PLEKHA6: variants seen among roughly 807,000 people sequenced by gnomAD.
PLEKHA6 encodes the protein pleckstrin homology domain containing A6.
A neutral mutation model predicts 116.7 loss-of-function variants in PLEKHA6; 60 were observed. The observed-to-expected ratio is 0.51, with a 90% CI of 0.42 to 0.64. The LOEUF (loss-of-function observed/expected upper bound fraction) is 0.64. PLEKHA6 is among the 30% of genes least tolerant of loss of function. PLEKHA6 has a pLI of 0.00. For synonymous variants in PLEKHA6, 489 were observed against 556.1 expected (o/e 0.88, Z 1.70); for missense variants, 1,338 against 1,422.7 (o/e 0.94, Z 0.96).
chr1:204,323,925 G>A (rs1210492374), intron 1 of PLEKHA6, among the ~76,000 whole-genome samples: 1 of 152,170 alleles, frequency 6.6e-6, no homozygotes, highest in Non-Finnish European at 1.5e-5. Context: ...AAGGACCTGG[G>A]CAGACTGACT....
intron 16 of PLEKHA6, 45 bp downstream of exon 16, chr1:204,241,640 G>A (rs1662833969): frequency 2.0e-6 from 3 of 1,534,216 alleles, no homozygotes; most frequent in Non-Finnish European, 1.8e-6. Flanking sequence ...GCTCCTCCCT[G>A]AGCATCCTTG....
In PLEKHA6 at chr1:204,330,750, G is replaced by A. The variant is rs1419070913; in HGVS notation, c.-95+28944C>T. Among the ~76,000 whole-genome samples the A allele has an allele frequency of 5.3e-5, 4 of 75,004 alleles. No homozygotes were observed. In the East Asian group the frequency reaches 1.0e-3, roughly 19 times the overall value. 49.2% of individuals were successfully genotyped at this position (75,004 alleles called of 152,430 possible). On this transcript the variant is annotated intron_variant, in intron 1 of 22. Coordinates refer to ENST00000272203, the MANE Select transcript of PLEKHA6 (RefSeq NM_014935.5). ...CCGAAGAGGAAGCAGCCCTCCCAAG[G>A]CCCCACCATGAGGTTGTGGAGGAGC...
chr1:204,262,304 C>A (rs1341853418), intron 6 of PLEKHA6, among the ~76,000 whole-genome samples: 1 of 152,154 alleles, frequency 6.6e-6, no homozygotes, highest in African/African-American at 2.4e-5. Flanking sequence ...TGGCTCTGCT[C>A]CTGACCAGCT....
At position 204,320,514 on chromosome 1, in the gene PLEKHA6, C is replaced by A. The variant is rs184456010; in HGVS notation, c.-95+39180G>T. 7.0e-4 allele frequency: 690 copies of A among 981,272 alleles called. 2 individuals carry two copies. In the African/African-American group the frequency reaches 0.011, roughly 16 times the overall value. The allele number at this position is 981,272 out of a possible 1,614,324, so 60.8% of individuals were successfully genotyped here. On this transcript the variant is annotated intron_variant, in intron 1 of 22. Coordinates refer to ENST00000272203, the MANE Select transcript of PLEKHA6 (RefSeq NM_014935.5). ...TTGGTGCCTGCATGACTCAGGGAAA[C>A]AACTAGAAACCATAACTTAGCAACT... is the stretch of plus-strand genomic sequence containing the variant.
chr1:204,357,476 C>T (rs1373324376), intron 1 of PLEKHA6, among the ~76,000 whole-genome samples: 2 of 151,942 alleles, frequency 1.3e-5, no homozygotes, highest in African/African-American at 4.8e-5. Flanking sequence ...GTCTTTTTTT[C>T]CTCTCTGAAT....
intron 1 of PLEKHA6, among the ~76,000 whole-genome samples, chr1:204,349,018 T>C (rs1673180096): frequency 6.6e-6 from 1 of 152,178 alleles, no homozygotes; most frequent in South Asian, 2.1e-4. Flanking sequence ...CCACCCATCC[T>C]TCCCGGCTGA....
chr1:204,258,477 G>C (rs900873511), intron 8 of PLEKHA6, among the ~76,000 whole-genome samples: 2 of 152,122 alleles, frequency 1.3e-5, no homozygotes, highest in Non-Finnish European at 2.9e-5. Flanking sequence ...TAGATTCTTG[G>C]GACTCATCCC....
At chr1:204,337,800 T>C (rs550081088) in intron 1 of PLEKHA6, among the ~76,000 whole-genome samples, 6 of 152,242 alleles carry the variant, frequency 3.9e-5, no homozygotes, top group Middle Eastern at 3.4e-3. Context: ...ACAATAGTCA[T>C]ATGTATGCTG....
Position 204,223,726 on chromosome 1 carries a change from C to T in PLEKHA6, c.3032-141G>A. The T allele has an allele frequency of 1.6e-6, 1 of 610,656 alleles. No homozygotes were observed. The highest frequency in any genetic ancestry group is 2.9e-5 in the Admixed American group (1 of 34,206). The allele number at this position is 610,656 out of a possible 1,614,324, so 37.8% of individuals were successfully genotyped here. A position where few individuals can be genotyped will look rare whatever the true frequency, so the allele number is the denominator to read the frequency against. Reference sequence around the variant, plus strand: ...GAGAGCACTGAGCTTGGAGCTTGCTCAAGCTAGGCCAAGCTGTCCTCATTC... The same window carrying T: ...GAGAGCACTGAGCTTGGAGCTTGCTTAAGCTAGGCCAAGCTGTCCTCATTC... On this transcript the variant is annotated intron_variant, in intron 21 of 22. Coordinates refer to ENST00000272203, the MANE Select transcript of PLEKHA6 (RefSeq NM_014935.5). The surrounding 1 kb of genome is among the most constrained non-coding windows in gnomAD (Gnocchi z 4.8).
chr1:204,254,732 T>C (rs777333165), intron 9 of PLEKHA6, among the ~76,000 whole-genome samples: 1 of 152,232 alleles, frequency 6.6e-6, no homozygotes, highest in Non-Finnish European at 1.5e-5. Context: ...GTATGGGGCA[T>C]GGAGGAGGCA....
chr1:204,241,464 G>A lies in PLEKHA6; in HGVS notation c.2320C>T (p.Arg774Trp), dbSNP rs373968079. ...TCATCATCAGTGGGCGATTTTGTCC[G>A]AGGGGGCACAACGCCAACTGCAGAA... ...ALNKVGVVPP[R>W]TKSPTDDEVT... is the part of the protein sequence containing the mutation. Residue 774 changes from arginine to tryptophan, a missense_variant, in exon 17 of 23, where the codon CGG becomes TGG. This residue lies in a region of PLEKHA6 where 1,136 missense variants were observed against 1,163.6 expected (regional missense o/e 0.98). Coordinates refer to ENST00000272203, the MANE Select transcript of PLEKHA6 (RefSeq NM_014935.5). The A allele has an allele frequency of 2.6e-5, 41 of 1,605,560 alleles. No homozygotes were observed. Among genetic ancestry groups the A allele is most frequent in the Non-Finnish European group, 2.8e-5 (33 of 1,175,836 alleles).
At position 204,261,619 on chromosome 1, in the gene PLEKHA6, T is replaced by C; in HGVS notation, c.382-171A>G. The stretch of plus-strand genomic sequence containing the variant: ...CAGGAGCAAGGTGAAGAGGGCAGCT[T>C]GCAGCTACCCCGAGGGTTCCAGCTG... On this transcript the variant is annotated intron_variant, in intron 6 of 22. Coordinates refer to ENST00000272203, the MANE Select transcript of PLEKHA6 (RefSeq NM_014935.5). The surrounding 1 kb of genome is among the most constrained non-coding windows in gnomAD (Gnocchi z 4.0). 1.4e-6 allele frequency: 1 copy of C among 696,036 alleles called. No individual in the cohort carries two copies. Among genetic ancestry groups the C allele is most frequent in the South Asian group, 2.0e-5 (1 of 49,850 alleles). The allele number at this position is 696,036 out of a possible 1,614,324, so 43.1% of individuals were successfully genotyped here. A position where few individuals can be genotyped will look rare whatever the true frequency, so the allele number is the denominator to read the frequency against.
intron 1 of PLEKHA6, among the ~76,000 whole-genome samples, chr1:204,328,054 ATTT>A (rs1672308112): frequency 3.8e-5 from 1 of 26,608 alleles, no homozygotes; most frequent in Non-Finnish European, 1.9e-4. Flanking sequence ...TATTTTATTT[ATTT>A]ATTTATTTAT....
At chr1:204,248,722 C>G in intron 12 of PLEKHA6, 99 bp downstream of exon 12, 1 of 1,134,228 alleles carries the variant, frequency 8.8e-7, no homozygotes, top group East Asian at 2.4e-5. Context: ...CTCTTGTCCT[C>G]TGAGGAAAAC....
intron 1 of PLEKHA6, 125 bp downstream of exon 1, chr1:204,359,569 G>A: frequency 6.1e-6 from 6 of 980,204 alleles, no homozygotes; most frequent in Non-Finnish European, 7.3e-6. Context: ...TGAGAGATGG[G>A]GAAGCCAGTG....
Position 204,228,160 on chromosome 1 carries a change from A to G in PLEKHA6, c.2954T>C (p.Leu985Pro). 1 of 1,613,484 alleles carries G rather than the reference A, an allele frequency of 6.2e-7. No homozygotes were observed. Among genetic ancestry groups the G allele is most frequent in the Middle Eastern group, 1.7e-4 (1 of 6,058 alleles). Residue 985 changes from leucine to proline, a missense_variant, in exon 21 of 23, where the codon CTG becomes CCG. Leu to Pro is a moderately conservative substitution (Grantham distance 98). This residue lies in a region of PLEKHA6 where 1,136 missense variants were observed against 1,163.6 expected (regional missense o/e 0.98). Transcript: ENST00000272203. The surrounding 1 kb of genome is among the most constrained non-coding windows in gnomAD (Gnocchi z 4.0). Reference sequence around the variant, plus strand: ...TTCAATCCGCTTCTCCTGCTCCTGCAGCTGGCTCTCTGAGTCCTGGGGCAC... The same window carrying G: ...TTCAATCCGCTTCTCCTGCTCCTGCGGCTGGCTCTCTGAGTCCTGGGGCAC... ...VDVPQDSESQ[L>P]QEQEKRIEIS...
chr1:204,303,790 T>C (rs1012771754), intron 1 of PLEKHA6, among the ~76,000 whole-genome samples: 1 of 152,204 alleles, frequency 6.6e-6, no homozygotes, highest in Non-Finnish European at 1.5e-5. Flanking sequence ...CACGGCTAAC[T>C]GCAACCTCTG....
intron 1 of PLEKHA6, among the ~76,000 whole-genome samples, chr1:204,295,763 C>G (rs527691533): frequency 6.6e-6 from 1 of 151,988 alleles, no homozygotes; most frequent in African/African-American, 2.4e-5. Context: ...ACCCACAGCC[C>G]GAGAAGGAAA....
chr1:204,234,956 A>T (rs1360011243), intron 17 of PLEKHA6, among the ~76,000 whole-genome samples: 3 of 1,044 alleles, frequency 2.9e-3, no homozygotes, highest in Non-Finnish European at 6.7e-3. Context: ...ACTGCCCTTT[A>T]TATATATATA....
Sources: allele counts gnomAD v4.1 joint callset (sites outside exome capture counted in the v4.1 genomes callset), GRCh38; gene constraint gnomAD v4.1.1; regional missense constraint gnomAD v4.1.1; non-coding constraint Gnocchi (gnomAD v3.1); transcripts MANE v1.5; gene names NCBI Gene and HGNC (gene_info 2026-07-23, HGNC 2026-07-21).